The following INTS1 variants were observed in gnomAD, a reference collection of about 807,000 sequenced individuals.
INTS1 encodes integrator complex subunit 1.
Under a neutral mutation model 241.6 loss-of-function variants are expected in INTS1, and 137 were observed. That is an observed-to-expected ratio of 0.57 (90% CI 0.49 to 0.65). INTS1 has a LOEUF of 0.65. Among genes scored for constraint, INTS1 ranks in the 30% least tolerant of loss-of-function variants. INTS1 has a pLI of 0.00. For synonymous variants in INTS1, 1,692 were observed against 1,337.8 expected (o/e 1.26, Z -5.78); for missense variants, 3,073 against 3,032.2 (o/e 1.01, Z -0.32).
In INTS1 at chr7:1,470,948, C is replaced by T. The variant is rs1475410778; in HGVS notation, c.6355G>A (p.Ala2119Thr). The change falls in exon 47 of 48, where the codon GCC (alanine) becomes ACC (threonine). Residue 2119 changes from alanine to threonine, a missense_variant. Coordinates refer to ENST00000404767, the MANE Select transcript of INTS1 (RefSeq NM_001080453.3). ...RSMQNSPSIA[A>T]AFLPTFMYCL... ...TACATGAACGTGGGCAGGAAAGCGGCTGCAATGCTGAAAGACCCACACACT... is the reference window on the plus strand; with the variant it reads ...TACATGAACGTGGGCAGGAAAGCGGTTGCAATGCTGAAAGACCCACACACT... 1 of 1,563,338 alleles carries T rather than the reference C, an allele frequency of 6.4e-7. No individual in the cohort carries two copies. Among genetic ancestry groups the T allele is most frequent in the South Asian group, 1.2e-5 (1 of 85,018 alleles).
chr7:1,500,163 C>T lies in INTS1; in HGVS notation c.546+7G>A, dbSNP rs2304357. ...TGCTCGCCTCCTGCCAGGGGCCCGG[C>T]TCAAACCTCAATGACGCCCTCAGTG... On this transcript the variant is annotated splice_region_variant and intron_variant, in intron 4 of 47. Transcript: ENST00000404767. The T allele has an allele frequency of 0.39, 621,799 of 1,580,138 alleles. 125,801 individuals are homozygous for T. The highest frequency in any genetic ancestry group is 0.7 in the East Asian group (30,758 of 43,634).
intron 3 of INTS1, 149 bp from the exon 4 acceptor site, chr7:1,500,515 C>A (rs868425712): frequency 5.9e-6 from 5 of 850,016 alleles, no homozygotes; most frequent in Non-Finnish European, 8.8e-6. Context: ...GTTCCCACAG[C>A]GGACAAGCAC....
At position 1,476,264 on chromosome 7, in the gene INTS1, C is replaced by T. The variant is rs1409333567; in HGVS notation, c.5343G>A (p.Glu1781=). ...GDDESVRKVT[E]HLSGCIQQWG... ...ACTGCTGGATGCAGCCTGACAGGTGCTCCGTCACCTTCCTGACACTCTCAT... is the reference window on the plus strand; with the variant it reads ...ACTGCTGGATGCAGCCTGACAGGTGTTCCGTCACCTTCCTGACACTCTCAT... Residue 1781 remains glutamate (E), a synonymous_variant, in exon 38 of 48, where the codon GAG becomes GAA. Transcript: ENST00000404767. The T allele has an allele frequency of 6.4e-7, 1 of 1,571,388 alleles. No individual in the cohort carries two copies. Among genetic ancestry groups the T allele is most frequent in the East Asian group, 2.4e-5 (1 of 42,444 alleles).
At chr7:1,482,811 C>G in intron 26 of INTS1, 104 bp from the exon 27 acceptor site, 1 of 1,421,136 alleles carries the variant, frequency 7.0e-7, no homozygotes, top group Admixed American at 2.1e-5. Context: ...GAGAAGGAAA[C>G]TGAGACTTGG....
chr7:1,494,996 G>A, intron 13 of INTS1, 103 bp from the exon 14 acceptor site: 1 of 1,369,916 alleles, frequency 7.3e-7, no homozygotes, highest in Admixed American at 2.0e-5. Flanking sequence ...CCAGCGCTCA[G>A]AGGCCGGGCT....
At position 1,495,419 on chromosome 7, in the gene INTS1, G is replaced by C. The variant is rs2128542584; in HGVS notation, c.1832+14C>G. ...GGGGTGTGGGACAGGGGCTGTACAG[G>C]GCCCCAGCCGCACCAGTGCACGTAG... On this transcript the variant is annotated intron_variant, in intron 13 of 47. Coordinates refer to ENST00000404767, the MANE Select transcript of INTS1 (RefSeq NM_001080453.3). 1.2e-6 allele frequency: 2 copies of C among 1,605,034 alleles called. No homozygotes were observed. The highest frequency in any genetic ancestry group is 1.7e-6 in the Non-Finnish European group (2 of 1,175,864).
At chr7:1,480,686 T>G in intron 29 of INTS1, 149 bp downstream of exon 29, 1 of 741,942 alleles carries the variant, frequency 1.3e-6, no homozygotes, top group Non-Finnish European at 2.2e-6. Context: ...TGAGAGTTTC[T>G]GTGGGGGCCC....
At chr7:1,498,309 C>T (rs1041460094) in intron 10 of INTS1, 103 bp downstream of exon 10, 6 of 1,509,446 alleles carry the variant, frequency 4.0e-6, no homozygotes, top group South Asian at 1.2e-5. Flanking sequence ...CATTCTCCCA[C>T]GAAGCACTGC....
At chr7:1,503,298 G>T in intron 2 of INTS1, 107 bp from the exon 3 acceptor site, 1 of 1,237,824 alleles carries the variant, frequency 8.1e-7, no homozygotes, top group Non-Finnish European at 1.1e-6. Flanking sequence ...AAGGGTCAGA[G>T]GAGGCAAGGA....
chr7:1,475,948 C>A lies in INTS1; in HGVS notation c.5502G>T (p.Lys1834Asn). 1 of 1,538,842 alleles carries A rather than the reference C, an allele frequency of 6.5e-7. No homozygotes were observed. Among genetic ancestry groups the A allele is most frequent in the Non-Finnish European group, 8.7e-7 (1 of 1,144,592 alleles). ...SEGAASSSVCKLDGLIHRFIT... is the reference protein window; with the variant it reads ...SEGAASSSVCNLDGLIHRFIT... ...GGGAGCGGCAGAGTTGCGCCCTCACCTTGCAGACGCTGCTGCTGGCAGCCC... is the reference window on the plus strand; with the variant it reads ...GGGAGCGGCAGAGTTGCGCCCTCACATTGCAGACGCTGCTGCTGGCAGCCC... The change falls in exon 39 of 48, where the codon AAG (lysine) becomes AAT (asparagine). Residue 1834 changes from lysine (K) to asparagine (N), a missense_variant and splice_region_variant. Transcript: ENST00000404767.
chr7:1,471,446 C>T lies in INTS1; in HGVS notation c.6255+125G>A, dbSNP rs570857544. On this transcript the variant is annotated intron_variant, in intron 45 of 47. Coordinates refer to ENST00000404767, the MANE Select transcript of INTS1 (RefSeq NM_001080453.3). ...GAACACCTGGGCTGGGGCCCCCACC[C>T]GAAGCCCAGCCTCAGAGGACTCCCT... is the stretch of plus-strand genomic sequence containing the variant. 496 of 1,152,592 alleles carry T rather than the reference C, an allele frequency of 4.3e-4. 3 individuals are homozygous for T. In the East Asian group the frequency reaches 0.01, roughly 24 times the overall value. 71.4% of individuals were successfully genotyped at this position (1,152,592 alleles called of 1,614,324 possible).
intron 26 of INTS1, 41 bp from the exon 27 acceptor site, chr7:1,482,748 G>T: frequency 1.2e-6 from 2 of 1,601,412 alleles, no homozygotes; most frequent in East Asian, 2.2e-5. Context: ...CAGACCCACC[G>T]GGGCCCAGCC....
At chr7:1,498,287 G>C in intron 10 of INTS1, 125 bp downstream of exon 10, 1 of 1,432,004 alleles carries the variant, frequency 7.0e-7, no homozygotes. Flanking sequence ...GCTCCTTCCC[G>C]AGACCGAGGA....
Position 1,499,141 on chromosome 7 carries a change from C to A in INTS1, c.971G>T (p.Ser324Ile). 1.2e-6 allele frequency: 2 copies of A among 1,610,982 alleles called. No individual in the cohort carries two copies. Among genetic ancestry groups the A allele is most frequent in the Non-Finnish European group, 1.7e-6 (2 of 1,179,068 alleles). ...LMPRYEELAE[S>I]VEEYVLDMLR... is the part of the protein sequence containing the mutation. ...CATGTCCAGGACATACTCCTCCACG[C>A]TCTCCGCGAGCTCTTCGTACCTAGG... is the stretch of plus-strand genomic sequence containing the variant. The change falls in exon 8 of 48, where the codon AGC (serine) becomes ATC (isoleucine). Residue 324 changes from serine (S) to isoleucine (I), a missense_variant. Coordinates refer to ENST00000404767, the MANE Select transcript of INTS1 (RefSeq NM_001080453.3).
chr7:1,480,218 T>C (rs1186717372), intron 30 of INTS1, 99 bp downstream of exon 30: 5 of 1,374,946 alleles, frequency 3.6e-6, no homozygotes, highest in South Asian at 2.9e-5. Context: ...GGTCAGGCGG[T>C]CACGCAAGTA....
intron 43 of INTS1, 108 bp downstream of exon 43, chr7:1,472,964 C>T: frequency 1.5e-6 from 1 of 664,722 alleles, no homozygotes; most frequent in Non-Finnish European, 2.5e-6. Flanking sequence ...TCACACAGCC[C>T]CCATCGGGAC....
intron 7 of INTS1, 34 bp downstream of exon 7, chr7:1,499,221 G>GC (rs749819730): frequency 5.6e-6 from 9 of 1,605,206 alleles, no homozygotes. Context: ...CGCCCCCGCC[G>GC]CCCCCAACTG....
At position 1,475,929 on chromosome 7, in the gene INTS1, G is replaced by A. The variant is rs77585397; in HGVS notation, c.5502+19C>T. On this transcript the variant is annotated intron_variant, in intron 39 of 47. Transcript: ENST00000404767. ...GGCACCTGGGACGGCGGCGGGGAGCGGCAGAGTTGCGCCCTCACCTTGCAG... is the reference window on the plus strand; with the variant it reads ...GGCACCTGGGACGGCGGCGGGGAGCAGCAGAGTTGCGCCCTCACCTTGCAG... The A allele has an allele frequency of 2.9e-3, 4,369 of 1,528,020 alleles. 106 individuals are homozygous for A. In the African/African-American group the frequency reaches 0.052, roughly 18 times the overall value. 94.7% of individuals were successfully genotyped at this position (1,528,020 alleles called of 1,614,324 possible).
chr7:1,474,210 C>T lies in INTS1; in HGVS notation c.5787G>A (p.Gly1929=), dbSNP rs1458940578. 16 of 1,592,300 alleles carry T rather than the reference C, an allele frequency of 1.0e-5. No individual in the cohort carries two copies. The highest frequency in any genetic ancestry group is 1.3e-5 in the Non-Finnish European group (15 of 1,170,976). The change falls in exon 41 of 48, where the codon GGG becomes GGA. Residue 1929 remains glycine (G), a synonymous_variant. Transcript: ENST00000404767. ...QPHVFRSEHQ[G]ALWDCLLSFI... ...AGGACAGAAGGCAGTCCCACAGCGC[C>T]CCCTGGTGCTCGCTGCGGAACACGT...
Sources: gnomAD v4.1 joint callset for allele counts on GRCh38, gnomAD v4.1.1 for gene constraint, MANE v1.5 for transcripts, NCBI Gene and HGNC (gene_info 2026-07-23, HGNC 2026-07-21) for gene names.